The following ANKRD55 variants were observed in gnomAD, a reference collection of about 807,000 sequenced individuals.
The protein encoded by ANKRD55 is ankyrin repeat domain 55.
In ANKRD55, 41 loss-of-function variants were observed where a neutral mutation model predicts 60.6. The ratio of observed to expected loss-of-function variants is 0.68; its 90% CI spans 0.53 to 0.88. ANKRD55 has a LOEUF of 0.88. ANKRD55 is among the 40% of genes least tolerant of loss of function. The pLI, the probability that ANKRD55 is intolerant of heterozygous loss-of-function variation, is 0.00. For missense variants in ANKRD55, 732 were observed against 767.6 expected, an observed-to-expected ratio of 0.95 and a Z score of 0.55; for synonymous variants, 264 against 290.3, an observed-to-expected ratio of 0.91 and a Z score of 0.92.
At chr5:56,160,151 G>T (rs1193117384) in intron 5 of ANKRD55, among the ~76,000 whole-genome samples, 1 of 152,156 alleles carries the variant, frequency 6.6e-6, no homozygotes, top group African/African-American at 2.4e-5. Flanking sequence ...GGGCACAAGG[G>T]GATGGAGAAA....
intron 6 of ANKRD55, 106 bp downstream of exon 6, chr5:56,159,727 T>C: frequency 8.9e-7 from 1 of 1,123,384 alleles, no homozygotes; most frequent in Non-Finnish European, 1.3e-6. Context: ...GAACCATGCC[T>C]CATGTCTCCC....
rs575664811 is a variant in ANKRD55, at chr5:56,232,991, C to G, written c.-33-45G>C. The G allele has an allele frequency of 1.3e-3, 1,723 of 1,318,378 alleles. 8 individuals carry two copies. The highest frequency in any genetic ancestry group is 1.5e-3 in the Admixed American group (88 of 57,642). 81.7% of individuals were successfully genotyped at this position (1,318,378 alleles called of 1,614,324 possible). On this transcript the variant is annotated intron_variant, in intron 1 of 11. Coordinates refer to ENST00000341048, the MANE Select transcript of ANKRD55 (RefSeq NM_024669.3). Reference sequence around the variant, plus strand: ...ATCTCAAACCTTACTGTCAACATGACAGTCAGAGGCAGCATCGTTTGCCAA... The same window carrying G: ...ATCTCAAACCTTACTGTCAACATGAGAGTCAGAGGCAGCATCGTTTGCCAA...
intron 9 of ANKRD55, among the ~76,000 whole-genome samples, chr5:56,112,510 A>AAAAAAAAAAAACAAAAAAAAAAAC (rs1756751081): frequency 7.2e-6 from 1 of 138,000 alleles, no homozygotes; most frequent in African/African-American, 2.6e-5. Flanking sequence ...CTAGCAAAAA[A>AAAAAAAAAAAACAAAAAAAAAAAC]AAAAAAAAAA....
At chr5:56,164,380 G>C (rs1320579418) in intron 5 of ANKRD55, among the ~76,000 whole-genome samples, 1 of 152,152 alleles carries the variant, frequency 6.6e-6, no homozygotes, top group Non-Finnish European at 1.5e-5. Context: ...GCCTGTATTA[G>C]AGTGTGCTGC....
At chr5:56,219,467 T>C (rs1465554426) in intron 2 of ANKRD55, among the ~76,000 whole-genome samples, 2 of 152,140 alleles carry the variant, frequency 1.3e-5, no homozygotes, top group African/African-American at 4.8e-5. Context: ...CAAGTGCCCT[T>C]CTTAGGTTTC....
intron 2 of ANKRD55, among the ~76,000 whole-genome samples, chr5:56,190,937 T>A (rs1276150704): frequency 1.3e-5 from 2 of 152,234 alleles, no homozygotes; most frequent in African/African-American, 2.4e-5. Flanking sequence ...CAACACAACT[T>A]TCAGTGGGAA....
At chr5:56,183,006 A>T (rs1282642969) in intron 3 of ANKRD55, among the ~76,000 whole-genome samples, 1 of 152,190 alleles carries the variant, frequency 6.6e-6, no homozygotes, top group Admixed American at 6.5e-5. Context: ...CTTCAGCATC[A>T]GCTCTGGGAG....
At position 56,102,531 on chromosome 5, in the gene ANKRD55, G is replaced by A. The variant is rs777482177; in HGVS notation, c.1686C>T (p.Phe562=). Residue 562 remains phenylalanine, a synonymous_variant, in exon 11 of 12, where the codon TTC becomes TTT. Coordinates refer to ENST00000341048, the MANE Select transcript of ANKRD55 (RefSeq NM_024669.3). The part of the protein sequence containing the change: ...PNRHKIRDLP[F]TRNNLAPLPD... ...GTAGGGGAGCTAGGTTGTTCCGAGT[G>A]AAAGGAAGATCCCTGATTTTGTGTC... The A allele has an allele frequency of 1.2e-6, 2 of 1,613,866 alleles. No individual in the cohort carries two copies. The highest frequency in any genetic ancestry group is 2.2e-5 in the South Asian group (2 of 91,066).
chr5:56,105,155 T>C (rs1487354980), intron 10 of ANKRD55, among the ~76,000 whole-genome samples: 1 of 151,382 alleles, frequency 6.6e-6, no homozygotes, highest in African/African-American at 2.4e-5. Context: ...AGTGCCATCG[T>C]GGCTCACGGC....
In ANKRD55 at chr5:56,208,702, C is replaced by T. The variant is rs534563082; in HGVS notation, c.58+24154G>A. On this transcript the variant is annotated intron_variant, in intron 2 of 11. Coordinates refer to ENST00000341048, the MANE Select transcript of ANKRD55 (RefSeq NM_024669.3). ...GCCTCCCAAAGTGCTGGATTACAGGCGTGAGCCACCGCGCCCAGTCCTGTG... is the reference window on the plus strand; with the variant it reads ...GCCTCCCAAAGTGCTGGATTACAGGTGTGAGCCACCGCGCCCAGTCCTGTG... 2.2e-4 allele frequency among the ~76,000 whole-genome samples: 34 copies of T among 152,246 alleles called. No individual in the cohort carries two copies. The East Asian group carries it at 6.6e-3, about 29-fold the overall frequency.
At chr5:56,104,033 A>G (rs1756372989) in intron 10 of ANKRD55, among the ~76,000 whole-genome samples, 1 of 152,186 alleles carries the variant, frequency 6.6e-6, no homozygotes, top group Non-Finnish European at 1.5e-5. Flanking sequence ...TTCAGGAGCC[A>G]TTATTTACAG....
At position 56,100,086 on chromosome 5, in the gene ANKRD55, A is replaced by G; in HGVS notation, c.*97T>C. ...ACTGATGGCTTATAGAATGCAGCTT[A>G]CTAAATTGGTCTTCGTTCTTACAAA... On this transcript the variant is annotated 3_prime_UTR_variant, in exon 12 of 12. Coordinates refer to ENST00000341048, the MANE Select transcript of ANKRD55 (RefSeq NM_024669.3). 1 of 1,520,424 alleles carries G rather than the reference A, an allele frequency of 6.6e-7. No homozygotes were observed. Among genetic ancestry groups the G allele is most frequent in the Non-Finnish European group, 9.1e-7 (1 of 1,103,194 alleles). 94.2% of individuals were successfully genotyped at this position (1,520,424 alleles called of 1,614,324 possible). A position where few individuals can be genotyped will look rare whatever the true frequency, so the allele number is the denominator to read the frequency against.
intron 2 of ANKRD55, among the ~76,000 whole-genome samples, chr5:56,197,675 T>C (rs1404357298): frequency 1.3e-5 from 2 of 152,222 alleles, no homozygotes; most frequent in African/African-American, 2.4e-5. Flanking sequence ...TTATATTTTC[T>C]AGTGGAAAGT....
intron 4 of ANKRD55, among the ~76,000 whole-genome samples, chr5:56,171,360 T>G (rs1758608450): frequency 6.6e-6 from 1 of 152,218 alleles, no homozygotes; most frequent in African/African-American, 2.4e-5. Flanking sequence ...ACCTGTAAAG[T>G]CCTCAAGAAA....
chr5:56,230,047 C>G (rs772189889), intron 2 of ANKRD55, among the ~76,000 whole-genome samples: 4 of 152,178 alleles, frequency 2.6e-5, no homozygotes, highest in Non-Finnish European at 4.4e-5. Flanking sequence ...AAACTGGAAT[C>G]TCCCTGGGTG....
chr5:56,169,775 A>G (rs1047271895), intron 5 of ANKRD55, among the ~76,000 whole-genome samples: 7 of 152,116 alleles, frequency 4.6e-5, no homozygotes, highest in African/African-American at 1.7e-4. Context: ...AAGTATATAG[A>G]ATATACTCCT....
chr5:56,111,682 C>T lies in ANKRD55; in HGVS notation c.1066G>A (p.Glu356Lys). Reference protein sequence around the residue: ...LNQIFCKNKKEEQRAHQKDPS... With the variant: ...LNQIFCKNKKKEQRAHQKDPS... The stretch of plus-strand genomic sequence containing the variant: ...TCCTTCTGATGGGCTCTCTGCTCTT[C>T]TTTCTTGTTTTTGCAGAATATTTGG... Residue 356 changes from glutamate (E) to lysine (K), a missense_variant, in exon 10 of 12, where the codon GAA becomes AAA. Physicochemically the swap from Glu to Lys is moderately conservative, Grantham distance 56 (BLOSUM62 1). Transcript: ENST00000341048. The T allele has an allele frequency of 6.6e-7, 1 of 1,522,028 alleles. No homozygotes were observed. Among genetic ancestry groups the T allele is most frequent in the Middle Eastern group, 1.8e-4 (1 of 5,616 alleles). The allele number at this position is 1,522,028 out of a possible 1,614,324, so 94.3% of individuals were successfully genotyped here. A position where few individuals can be genotyped will look rare whatever the true frequency, so the allele number is the denominator to read the frequency against.
intron 2 of ANKRD55, among the ~76,000 whole-genome samples, chr5:56,191,184 T>A (rs571733856): frequency 9.2e-5 from 14 of 152,320 alleles, no homozygotes; most frequent in Non-Finnish European, 1.5e-4. Context: ...TTTTGGCTAT[T>A]TTGGGGTCTC....
rs1439320147 is a variant in ANKRD55 at position 56,210,128 on chromosome 5, C to T, written c.58+22728G>A. 5.9e-5 allele frequency among the ~76,000 whole-genome samples: 9 copies of T among 152,210 alleles called. 1 individual carries two copies. Among genetic ancestry groups the T allele is most frequent in the African/African-American group, 1.9e-4 (8 of 41,546 alleles). ...TTTCAAGCTATTTTCCCACCTCAGCCTCCTGAGTAGCTGGGACTACAGGAG... is the reference window on the plus strand; with the variant it reads ...TTTCAAGCTATTTTCCCACCTCAGCTTCCTGAGTAGCTGGGACTACAGGAG... On this transcript the variant is annotated intron_variant, in intron 2 of 11. Coordinates refer to ENST00000341048, the MANE Select transcript of ANKRD55 (RefSeq NM_024669.3).
Sources: gnomAD v4.1 joint callset for allele counts (sites outside exome capture counted in the v4.1 genomes callset) on GRCh38, gnomAD v4.1.1 for gene constraint, MANE v1.5 for transcripts, NCBI Gene and HGNC (gene_info 2026-07-23, HGNC 2026-07-21) for gene names.